The following FAM120C variants were observed in gnomAD, a reference collection of about 807,000 sequenced individuals.
The protein encoded by FAM120C is family with sequence similarity 120 member C, also known as constitutive coactivator of PPAR-gamma-like protein 2.
Under a neutral mutation model 71.2 loss-of-function variants are expected in FAM120C, and 14 were observed. That is an observed-to-expected ratio of 0.20 (90% CI 0.13 to 0.31). FAM120C has a LOEUF of 0.31. FAM120C is among the 10% of genes least tolerant of loss of function. FAM120C has a pLI of 1.00. For missense variants in FAM120C, 500 were observed against 879.0 expected (o/e 0.57, Z 5.45); for synonymous variants, 354 against 353.2 (o/e 1.00, Z -0.03).
chrX:54,100,448 G>A (rs1226118510), intron 10 of FAM120C, among the ~76,000 whole-genome samples: 1 of 111,355 alleles, frequency 9.0e-6, no homozygotes, highest in East Asian at 2.8e-4. Flanking sequence ...AGCCGGGATT[G>A]TGCAACTGCA....
intron 10 of FAM120C, among the ~76,000 whole-genome samples, chrX:54,099,695 T>C (rs1186253240): frequency 8.9e-6 from 1 of 112,342 alleles, no homozygotes; most frequent in Non-Finnish European, 1.9e-5. Flanking sequence ...CTTTTGCATG[T>C]TAATATCCAA....
intron 9 of FAM120C, among the ~76,000 whole-genome samples, chrX:54,117,866 T>C (rs1557126908): frequency 9.0e-6 from 1 of 111,058 alleles, no homozygotes; most frequent in African/African-American, 3.3e-5. Flanking sequence ...TAATACACAA[T>C]GAGATACACC....
intron 1 of FAM120C, among the ~76,000 whole-genome samples, chrX:54,176,511 G>A (rs1409224098): frequency 2.7e-5 from 3 of 110,239 alleles, no homozygotes; most frequent in Admixed American, 9.7e-5. Context: ...CTCCTGTTGG[G>A]TGGTTGTGAG....
At position 54,182,455 on chromosome X, in the gene FAM120C, G is replaced by A. The variant is rs974844916; in HGVS notation, c.699+45C>T. The A allele has an allele frequency of 9.6e-6, 11 of 1,149,208 alleles. No individual in the cohort carries two copies. In the African/African-American group the frequency reaches 1.4e-4, roughly 15 times the overall value. The allele number at this position is 1,149,208 out of a possible 1,213,427, so 94.7% of individuals were successfully genotyped here. The stretch of plus-strand genomic sequence containing the variant: ...GGTGGTTAGGTATTTAGTTGGGAGG[G>A]AATAGGTGTGGGGCTTATTATTTAA... On this transcript the variant is annotated intron_variant, in intron 1 of 15. Coordinates refer to ENST00000375180, the MANE Select transcript of FAM120C (RefSeq NM_017848.6).
At chrX:54,178,318 T>C (rs1557136906) in intron 1 of FAM120C, among the ~76,000 whole-genome samples, 1 of 111,894 alleles carries the variant, frequency 8.9e-6, no homozygotes, top group Non-Finnish European at 1.9e-5. Flanking sequence ...CATTTAGCAA[T>C]GCTGGCACAA....
rs1234164978 is a variant in FAM120C, at chrX:54,152,796, A to C, written c.1030-1423T>G. Among the ~76,000 whole-genome samples the C allele has an allele frequency of 4.4e-5, 5 of 112,585 alleles. No homozygotes were observed. In the Admixed American group the frequency reaches 4.7e-4, roughly 11 times the overall value. ...CCAGGCACTGTCCTAGGCACCAGGG[A>C]AACAGCAGTGAACAAGACAGACAAA... On this transcript the variant is annotated intron_variant, in intron 3 of 15. Transcript: ENST00000375180.
chrX:54,135,418 A>G (rs2067089532), intron 6 of FAM120C, 110 bp downstream of exon 6: 1 of 685,387 alleles, frequency 1.5e-6, no homozygotes. Flanking sequence ...AATATAGTAT[A>G]TATAGCCCTG....
intron 1 of FAM120C, among the ~76,000 whole-genome samples, chrX:54,181,703 C>G (rs1394552737): frequency 8.9e-6 from 1 of 112,180 alleles, no homozygotes; most frequent in Non-Finnish European, 1.9e-5. Flanking sequence ...GGGAAGCCTC[C>G]CCTGACCACT....
chrX:54,104,551 TA>T (rs1287393766), intron 10 of FAM120C, among the ~76,000 whole-genome samples: 1 of 111,958 alleles, frequency 8.9e-6, no homozygotes, highest in Non-Finnish European at 1.9e-5. Context: ...CTCACACCTG[TA>T]ATCCCAACAC....
At chrX:54,084,983 C>T (rs782812449) in intron 13 of FAM120C, among the ~76,000 whole-genome samples, 4 of 111,657 alleles carry the variant, frequency 3.6e-5, no homozygotes, top group Non-Finnish European at 7.5e-5. Flanking sequence ...CAAGTATATT[C>T]GCAGAGTGGA....
At chrX:54,154,606 C>A (rs2067200299) in intron 3 of FAM120C, among the ~76,000 whole-genome samples, 2 of 40,937 alleles carry the variant, frequency 4.9e-5, no homozygotes, top group African/African-American at 1.9e-4. Flanking sequence ...GACTCCATCT[C>A]AAAAAAAAAA....
chrX:54,074,159 G>A (rs1300699297), intron 15 of FAM120C, among the ~76,000 whole-genome samples: 4 of 111,360 alleles, frequency 3.6e-5, no homozygotes, highest in Non-Finnish European at 7.5e-5. Flanking sequence ...TTTACAATAT[G>A]TTTTTCTAAT....
chrX:54,078,566 G>C (rs1407006927), intron 15 of FAM120C, among the ~76,000 whole-genome samples: 2 of 111,517 alleles, frequency 1.8e-5, no homozygotes, highest in African/African-American at 6.5e-5. Context: ...GGAAACATTA[G>C]ATGATGGGGA....
At chrX:54,156,315 CTTTT>C (rs35737980) in intron 3 of FAM120C, among the ~76,000 whole-genome samples, 6 of 28,402 alleles carry the variant, frequency 2.1e-4, no homozygotes, top group Non-Finnish European at 2.3e-4. Context: ...TCACAACAGT[CTTTT>C]TTTTTTTTTT....
intron 4 of FAM120C, among the ~76,000 whole-genome samples, chrX:54,139,901 A>G (rs782086022): frequency 3.6e-4 from 40 of 111,357 alleles, no homozygotes; most frequent in Admixed American, 2.2e-3. Context: ...GTGCATGTAC[A>G]TAAACACAAG....
chrX:54,146,603 C>T (rs1416013786), intron 4 of FAM120C, among the ~76,000 whole-genome samples: 1 of 111,502 alleles, frequency 9.0e-6, no homozygotes, highest in Non-Finnish European at 1.9e-5. Flanking sequence ...ATCACTTGAG[C>T]CCAGGAGGTT....
At position 54,116,549 on chromosome X, in the gene FAM120C, G is replaced by A; in HGVS notation, c.2308C>T (p.Leu770Phe). Residue 770 changes from leucine to phenylalanine, a missense_variant, in exon 10 of 16, where the codon CTC (leucine) becomes TTC (phenylalanine). Around this residue, in one of 11 missense-constraint regions of FAM120C, gnomAD observed 104 missense variants for 254.5 expected, o/e 0.41. Transcript: ENST00000375180. ...CCTGCCTGTCAGGTAGCTTACCGGA[G>A]TACACAACACATGAGCAGCAGATGG... ...PTHLLLMCCV[L>F]RYMVQWPGGR... 8.3e-7 allele frequency: 1 copy of A among 1,210,677 alleles called. No individual in the cohort carries two copies. The highest frequency in any genetic ancestry group is 1.1e-6 in the Non-Finnish European group (1 of 894,733).
chrX:54,073,330 C>G, intron 15 of FAM120C, 43 bp from the exon 16 acceptor site: 1 of 1,157,856 alleles, frequency 8.6e-7, no homozygotes, highest in Non-Finnish European at 1.2e-6. Flanking sequence ...GAATCCCAGA[C>G]TGGCTGACCC....
chrX:54,144,559 G>T (rs1442218807), intron 4 of FAM120C, among the ~76,000 whole-genome samples: 88 of 110,993 alleles, frequency 7.9e-4, no homozygotes, highest in Admixed American at 1.8e-3. Context: ...TGAACTCCCA[G>T]TCACAATTGC....
Sources: gnomAD v4.1 joint callset for allele counts (sites outside exome capture counted in the v4.1 genomes callset) on GRCh38, gnomAD v4.1.1 for gene constraint, gnomAD v4.1.1 regional missense constraint, MANE v1.5 for transcripts, NCBI Gene and HGNC (gene_info 2026-07-23, HGNC 2026-07-21) for gene names.